DIAPH1: variants seen among roughly 807,000 people sequenced by gnomAD.
The protein encoded by DIAPH1 is diaphanous related formin 1.
DIAPH1 carries 46 observed loss-of-function variants against 140.7 expected under a neutral mutation model. The observed-to-expected ratio is 0.33, with a 90% CI of 0.26 to 0.42. The LOEUF (loss-of-function observed/expected upper bound fraction) is 0.42, where lower values mean the gene tolerates loss of function less well. Ranked by LOEUF, DIAPH1 falls within the 10% of genes least tolerant of loss-of-function variation. The pLI is 1.00. For missense variants in DIAPH1, 1,310 were observed against 1,558.7 expected, an observed-to-expected ratio of 0.84 and a Z score of 2.69; for synonymous variants, 565 against 551.6, an observed-to-expected ratio of 1.02 and a Z score of -0.34.
chr5:141,524,105 C>T (rs576246498), intron 27 of DIAPH1, 38 bp downstream of exon 27: 21 of 1,583,550 alleles, frequency 1.3e-5, no homozygotes, highest in East Asian at 2.2e-5. Context: ...GCCCTCACCC[C>T]CTTCGACACC....
chr5:141,557,481 A>T (rs568170751), intron 18 of DIAPH1, among the ~76,000 whole-genome samples: 45 of 152,262 alleles, frequency 3.0e-4, no homozygotes, highest in African/African-American at 8.4e-4. Context: ...AACATTTTTT[A>T]AAAAAATTCA....
At chr5:141,602,463 C>T (rs2099900299) in intron 1 of DIAPH1, among the ~76,000 whole-genome samples, 1 of 152,174 alleles carries the variant, frequency 6.6e-6, no homozygotes, top group Admixed American at 6.5e-5. Flanking sequence ...GATCCACCTG[C>T]CTTGGCCTCC....
intron 1 of DIAPH1, among the ~76,000 whole-genome samples, chr5:141,602,802 C>T (rs1324443479): frequency 6.6e-6 from 1 of 152,148 alleles, no homozygotes. Context: ...TAATGGACAA[C>T]TTTAAATGCA....
Position 141,516,821 on chromosome 5 carries a change from T to G in DIAPH1, c.*30A>C, listed in dbSNP as rs1554199614. ...AGGGCAGGACAGTCTGCGGCTCCGC[T>G]GAGGAGCTGCCGCGGTCACAGGACC... On this transcript the variant is annotated 3_prime_UTR_variant, in exon 28 of 28. Coordinates refer to ENST00000389054, the MANE Select transcript of DIAPH1 (RefSeq NM_005219.5). The G allele has an allele frequency of 5.6e-6, 9 of 1,613,238 alleles. No homozygotes were observed. The South Asian group carries it at 7.7e-5, about 14-fold the overall frequency.
chr5:141,538,352 G>A (rs2099889407), intron 18 of DIAPH1, among the ~76,000 whole-genome samples: 1 of 143,732 alleles, frequency 7.0e-6, no homozygotes, highest in Admixed American at 7.0e-5. Context: ...GAGCCACTTC[G>A]CTCGGCTTTT....
At chr5:141,611,321 AAC>A (rs1376468001) in intron 1 of DIAPH1, among the ~76,000 whole-genome samples, 1 of 152,240 alleles carries the variant, frequency 6.6e-6, no homozygotes, top group East Asian at 1.9e-4. Flanking sequence ...TTTGAAATGT[AAC>A]ACACAAAACA....
chr5:141,607,284 T>C (rs888777824), intron 1 of DIAPH1, among the ~76,000 whole-genome samples: 1 of 152,216 alleles, frequency 6.6e-6, no homozygotes, highest in Non-Finnish European at 1.5e-5. Flanking sequence ...ACAATGGCAT[T>C]ACCTATCTGA....
intron 18 of DIAPH1, among the ~76,000 whole-genome samples, chr5:141,544,470 T>C (rs1371832872): frequency 6.6e-6 from 1 of 152,048 alleles, no homozygotes; most frequent in Non-Finnish European, 1.5e-5. Flanking sequence ...AAAACACTTA[T>C]CCGATAAAGA....
At chr5:141,616,516 C>G (rs996868036) in intron 1 of DIAPH1, among the ~76,000 whole-genome samples, 28 of 152,140 alleles carry the variant, frequency 1.8e-4, no homozygotes, top group African/African-American at 6.8e-4. Context: ...AAAAGCACAC[C>G]AGCAATCTCG....
chr5:141,599,283 G>T (rs927058678), intron 1 of DIAPH1, among the ~76,000 whole-genome samples: 1 of 152,154 alleles, frequency 6.6e-6, no homozygotes, highest in Non-Finnish European at 1.5e-5. Context: ...GACGGTAATT[G>T]CAAGAACCAT....
At chr5:141,599,281 T>C (rs570758353) in intron 1 of DIAPH1, among the ~76,000 whole-genome samples, 194 of 152,318 alleles carry the variant, frequency 1.3e-3, no homozygotes, top group Non-Finnish European at 2.3e-3. Context: ...TGGACGGTAA[T>C]TGCAAGAACC....
chr5:141,589,275 T>C (rs541022692), intron 1 of DIAPH1: 3 of 152,508 alleles, frequency 2.0e-5, no homozygotes, highest in South Asian at 4.1e-4. Context: ...GCCACCTTCG[T>C]TGGGAGTGCC....
At chr5:141,616,444 C>T (rs1239657194) in intron 1 of DIAPH1, among the ~76,000 whole-genome samples, 1 of 152,080 alleles carries the variant, frequency 6.6e-6, no homozygotes, top group Non-Finnish European at 1.5e-5. Context: ...AAGGTGGAGG[C>T]GGCGAAAGAC....
rs190541780 is a variant in DIAPH1, at chr5:141,520,532, C to T, written c.3662-3524G>A. ...CGCCTTGTGATACACCTTCTCCCCCCTTGATTGGAAGCTTCCTGAGGCCTC... is the reference window on the plus strand; with the variant it reads ...CGCCTTGTGATACACCTTCTCCCCCTTTGATTGGAAGCTTCCTGAGGCCTC... On this transcript the variant is annotated intron_variant, in intron 27 of 27. Transcript: ENST00000389054. Among the ~76,000 whole-genome samples, 81 of 152,310 alleles carry T rather than the reference C, an allele frequency of 5.3e-4. 1 individual carries two copies. In the East Asian group the frequency reaches 0.011, roughly 20 times the overall value.
chr5:141,518,313 A>G (rs6895125), intron 27 of DIAPH1, among the ~76,000 whole-genome samples: 16 of 634 alleles, frequency 0.025, no homozygotes, highest in African/African-American at 0.04. Flanking sequence ...GCTCAATTGG[A>G]AAAAAAAAAA....
chr5:141,590,608 T>A (rs1348617628), intron 1 of DIAPH1, among the ~76,000 whole-genome samples: 1 of 152,042 alleles, frequency 6.6e-6, no homozygotes, highest in Non-Finnish European at 1.5e-5. Context: ...CAAAATCTTG[T>A]CCCCCAAACT....
intron 1 of DIAPH1, among the ~76,000 whole-genome samples, chr5:141,612,947 TTA>T (rs2099902077): frequency 6.6e-6 from 1 of 152,192 alleles, no homozygotes; most frequent in Non-Finnish European, 1.5e-5. Flanking sequence ...TCTTGGGTCC[TTA>T]CAGTATTTTA....
intron 1 of DIAPH1, among the ~76,000 whole-genome samples, chr5:141,610,970 T>C (rs776445416): frequency 6.6e-6 from 1 of 150,760 alleles, no homozygotes; most frequent in Non-Finnish European, 1.5e-5. Flanking sequence ...ATGCCGGTAG[T>C]CCCAGATACT....
rs1056909021 is a variant in DIAPH1 at position 141,516,203 on chromosome 5, T to C, written c.*648A>G. ...ATGCCCTGCCTGCCTGCCCACAGGC[T>C]CTGGCCTGGGCCACAGCACAGCAGG... On this transcript the variant is annotated 3_prime_UTR_variant, in exon 28 of 28. Transcript: ENST00000389054. The C allele has an allele frequency of 2.5e-5, 4 of 160,148 alleles. No individual in the cohort carries two copies. Among genetic ancestry groups the C allele is most frequent in the African/African-American group, 9.6e-5 (4 of 41,532 alleles). 9.9% of individuals were successfully genotyped at this position (160,148 alleles called of 1,614,324 possible).
Sources: gnomAD v4.1 joint callset for allele counts (sites outside exome capture counted in the v4.1 genomes callset) on GRCh38, gnomAD v4.1.1 for gene constraint, MANE v1.5 for transcripts, NCBI Gene and HGNC (gene_info 2026-07-23, HGNC 2026-07-21) for gene names.